The following FCHSD2 variants were observed in gnomAD, a reference collection of about 807,000 sequenced individuals.
The protein encoded by FCHSD2 is F-BAR and double SH3 domains protein 2.
Under a neutral mutation model 108.1 loss-of-function variants are expected in FCHSD2, and 38 were observed. That is an observed-to-expected ratio of 0.35 (90% CI 0.27 to 0.46). FCHSD2 has a LOEUF of 0.46. FCHSD2 is among the 20% of genes least tolerant of loss of function. FCHSD2 has a pLI of 1.00. For missense variants in FCHSD2, 751 were observed against 897.8 expected (o/e 0.84, Z 2.09); for synonymous variants, 279 against 314.7 (o/e 0.89, Z 1.20).
chr11:72,969,578 A>G (rs763747903), intron 8 of FCHSD2, among the ~76,000 whole-genome samples: 1 of 152,230 alleles, frequency 6.6e-6, no homozygotes, highest in Non-Finnish European at 1.5e-5. Flanking sequence ...CCTTTAAGAC[A>G]CCACAGAATA....
chr11:72,855,896 T>C (rs1254840776), intron 13 of FCHSD2, among the ~76,000 whole-genome samples: 1 of 152,212 alleles, frequency 6.6e-6, no homozygotes, highest in African/African-American at 2.4e-5. Context: ...TCTATACTCT[T>C]TGAACTATTA....
At chr11:72,996,610 T>A (rs1857523147) in intron 5 of FCHSD2, among the ~76,000 whole-genome samples, 1 of 152,182 alleles carries the variant, frequency 6.6e-6, no homozygotes, top group African/African-American at 2.4e-5. Flanking sequence ...CAATTGTGTT[T>A]ATCTTCCAAG....
At chr11:72,974,268 C>A (rs1236066960) in intron 8 of FCHSD2, among the ~76,000 whole-genome samples, 2 of 152,132 alleles carry the variant, frequency 1.3e-5, no homozygotes, top group Non-Finnish European at 2.9e-5. Flanking sequence ...AGAAGAGCAA[C>A]AGAACACAAG....
intron 12 of FCHSD2, among the ~76,000 whole-genome samples, chr11:72,881,664 G>A (rs767645268): frequency 1.3e-5 from 2 of 152,178 alleles, no homozygotes; most frequent in Non-Finnish European, 2.9e-5. Flanking sequence ...TTAAGAAAAT[G>A]TGATATATAC....
rs545760547 is a variant in FCHSD2 at position 73,067,015 on chromosome 11, C to A, written c.165+16680G>T. Among the ~76,000 whole-genome samples, 7 of 152,276 alleles carry A rather than the reference C, an allele frequency of 4.6e-5. No individual in the cohort carries two copies. The South Asian group carries it at 1.5e-3, about 32-fold the overall frequency. ...ACCCAAAGGATTATAAATCATTCTA[C>A]TATAAAGACACATGCACACGTATGT... On this transcript the variant is annotated intron_variant, in intron 3 of 19. Coordinates refer to ENST00000409418, the MANE Select transcript of FCHSD2 (RefSeq NM_014824.3).
Position 72,954,196 on chromosome 11 carries a change from ATTT to A in FCHSD2, c.705+29889_705+29891del, listed in dbSNP as rs57517075. Reference sequence around the variant, plus strand: ...TAGAATATTAGCAGTAGATGTGGGGATTTTTTTTTTTTTTTTTTTTTTTTTTTG... The same window carrying A: ...TAGAATATTAGCAGTAGATGTGGGGATTTTTTTTTTTTTTTTTTTTTTTTG... On this transcript the variant is annotated intron_variant, in intron 8 of 19. Coordinates refer to ENST00000409418, the MANE Select transcript of FCHSD2 (RefSeq NM_014824.3). Among the ~76,000 whole-genome samples the A allele has an allele frequency of 3.3e-3, 368 of 111,678 alleles. 43 individuals carry two copies. Among genetic ancestry groups the A allele is most frequent in the African/African-American group, 8.6e-3 (253 of 29,428 alleles). 73.3% of individuals were successfully genotyped at this position (111,678 alleles called of 152,430 possible). A position where few individuals can be genotyped will look rare whatever the true frequency, so the allele number is the denominator to read the frequency against.
chr11:72,895,090 T>C (rs2135260255), intron 10 of FCHSD2, among the ~76,000 whole-genome samples: 1 of 152,314 alleles, frequency 6.6e-6, no homozygotes, highest in East Asian at 1.9e-4. Flanking sequence ...TTTAACTTAT[T>C]CTGACTATGC....
intron 10 of FCHSD2, among the ~76,000 whole-genome samples, chr11:72,898,728 A>ATT (rs35118990): frequency 7.3e-6 from 1 of 137,818 alleles, no homozygotes; most frequent in African/African-American, 2.7e-5. Flanking sequence ...TTTTCTTTCT[A>ATT]TTTTTTTTTT....
At chr11:73,068,586 A>G (rs1193510487) in intron 3 of FCHSD2, among the ~76,000 whole-genome samples, 1 of 152,182 alleles carries the variant, frequency 6.6e-6, no homozygotes, top group Non-Finnish European at 1.5e-5. Flanking sequence ...TTTTTGGTTT[A>G]AAGTTTTATC....
chr11:73,061,378 C>T (rs116412856), intron 3 of FCHSD2, among the ~76,000 whole-genome samples: 119 of 152,308 alleles, frequency 7.8e-4, no homozygotes, highest in African/African-American at 2.6e-3. Flanking sequence ...CCTGGGTGGC[C>T]ATTTGGGCAA....
intron 8 of FCHSD2, among the ~76,000 whole-genome samples, chr11:72,955,327 G>A (rs957747235): frequency 1.3e-5 from 2 of 152,174 alleles, no homozygotes; most frequent in Non-Finnish European, 2.9e-5. Flanking sequence ...CAGATGAACA[G>A]CCAGATAGAA....
chr11:73,124,481 C>T (rs956341180), intron 2 of FCHSD2, among the ~76,000 whole-genome samples: 7 of 152,030 alleles, frequency 4.6e-5, no homozygotes, highest in African/African-American at 1.7e-4. Context: ...ATGGGCCAGG[C>T]GCAGTGGCTC....
chr11:72,859,090 T>C (rs950047350), intron 13 of FCHSD2, among the ~76,000 whole-genome samples: 6 of 152,196 alleles, frequency 3.9e-5, no homozygotes, highest in African/African-American at 9.7e-5. Context: ...AAAGCCAAAG[T>C]GGAGAGAGCT....
intron 8 of FCHSD2, among the ~76,000 whole-genome samples, chr11:72,944,259 A>C (rs1485401236): frequency 6.6e-6 from 1 of 152,234 alleles, no homozygotes; most frequent in African/African-American, 2.4e-5. Context: ...TCAAATCAAT[A>C]AACATAATCC....
At chr11:72,847,884 G>T (rs1861187936) in intron 14 of FCHSD2, among the ~76,000 whole-genome samples, 1 of 151,894 alleles carries the variant, frequency 6.6e-6, no homozygotes, top group East Asian at 1.9e-4. Flanking sequence ...GTAGAGATGG[G>T]GTTTCACCAT....
chr11:72,900,223 C>CCA, intron 10 of FCHSD2: 3 of 951,006 alleles, frequency 3.2e-6, no homozygotes, highest in Non-Finnish European at 3.3e-6. Flanking sequence ...CCACACTTCC[C>CCA]ATCCCTCCCG....
intron 2 of FCHSD2, among the ~76,000 whole-genome samples, 163 bp downstream of exon 2, chr11:73,139,868 T>A (rs549025670): frequency 1.3e-5 from 2 of 152,346 alleles, no homozygotes; most frequent in Admixed American, 1.3e-4. Flanking sequence ...AAAGTTTGTA[T>A]TGTGTTAGTT....
chr11:72,850,897 C>T (rs1861269409), intron 13 of FCHSD2, among the ~76,000 whole-genome samples: 1 of 151,074 alleles, frequency 6.6e-6, no homozygotes, highest in South Asian at 2.1e-4. Context: ...TGAGACCAGC[C>T]TGGCCAACAT....
intron 3 of FCHSD2, among the ~76,000 whole-genome samples, chr11:73,026,476 TATGCAATAA>T (rs1466868851): frequency 2.0e-5 from 3 of 152,110 alleles, no homozygotes; most frequent in Non-Finnish European, 4.4e-5. Flanking sequence ...ACCTTAAATA[TATGCAATAA>T]AATTTATTTT....
Sources: allele counts gnomAD v4.1 joint callset (sites outside exome capture counted in the v4.1 genomes callset), GRCh38; gene constraint gnomAD v4.1.1; transcripts MANE v1.5; gene names NCBI Gene and HGNC (gene_info 2026-07-23, HGNC 2026-07-21).